The following KCNQ3 variants were observed in gnomAD, a reference collection of about 807,000 sequenced individuals.
KCNQ3 encodes the protein potassium voltage-gated channel subfamily KQT member 3.
Under a neutral mutation model 92.5 loss-of-function variants are expected in KCNQ3, and 30 were observed. The ratio of observed to expected loss-of-function variants is 0.32; its 90% CI spans 0.24 to 0.44. KCNQ3 has a LOEUF of 0.44. KCNQ3 is among the 20% of genes least tolerant of loss of function. The probability of loss-of-function intolerance (pLI) is 1.00; values close to 1 mark genes in which losing one functional copy is unlikely to be tolerated. For synonymous variants in KCNQ3, 450 were observed against 468.8 expected, an observed-to-expected ratio of 0.96 and a Z score of 0.52; for missense variants, 913 against 1,140.3, an observed-to-expected ratio of 0.80 and a Z score of 2.87.
Position 132,141,053 on chromosome 8 carries a change from G to A in KCNQ3, c.1465+76C>T, listed in dbSNP as rs1468373103. ...AGTCAAAGGTTCTTAAGTGGGCAAA[G>A]GGAGAGGTGAGGAAGGAAGTGGACT... On this transcript the variant is annotated intron_variant, in intron 10 of 14. Transcript: ENST00000388996. 1.8e-5 allele frequency: 24 copies of A among 1,360,916 alleles called. No individual in the cohort carries two copies. The East Asian group carries it at 4.3e-4, about 25-fold the overall frequency. 84.3% of individuals were successfully genotyped at this position (1,360,916 alleles called of 1,614,324 possible). A position where few individuals can be genotyped will look rare whatever the true frequency, so the allele number is the denominator to read the frequency against.
intron 1 of KCNQ3, among the ~76,000 whole-genome samples, chr8:132,447,853 G>C (rs1472336378): frequency 6.6e-6 from 1 of 152,178 alleles, no homozygotes; most frequent in Non-Finnish European, 1.5e-5. Flanking sequence ...ATTTTTAAGA[G>C]ATGGAAACAG....
chr8:132,249,097 C>T (rs756388528), intron 1 of KCNQ3, among the ~76,000 whole-genome samples: 10 of 152,098 alleles, frequency 6.6e-5, no homozygotes, highest in African/African-American at 9.7e-5. Flanking sequence ...CAGACCTTTG[C>T]GGTGAGTGTT....
intron 1 of KCNQ3, among the ~76,000 whole-genome samples, chr8:132,273,466 T>C (rs926287753): frequency 3.9e-5 from 6 of 152,206 alleles, no homozygotes; most frequent in Admixed American, 3.3e-4. Flanking sequence ...AAACCATTTT[T>C]TCTTCCTAGG....
At chr8:132,179,312 T>G (rs1826673580) in intron 4 of KCNQ3, among the ~76,000 whole-genome samples, 1 of 151,864 alleles carries the variant, frequency 6.6e-6, no homozygotes, top group African/African-American at 2.4e-5. Context: ...ATGGACTGAG[T>G]TCCATCCCTC....
intron 1 of KCNQ3, among the ~76,000 whole-genome samples, chr8:132,359,625 T>C (rs971202989): frequency 6.6e-6 from 1 of 152,180 alleles, no homozygotes; most frequent in Non-Finnish European, 1.5e-5. Context: ...AATCCAGCTG[T>C]GGATTGTGTG....
At position 132,326,894 on chromosome 8, in the gene KCNQ3, G is replaced by A. The variant is rs532108164; in HGVS notation, c.387-140713C>T. On this transcript the variant is annotated intron_variant, in intron 1 of 14. Coordinates refer to ENST00000388996, the MANE Select transcript of KCNQ3 (RefSeq NM_004519.4). ...TCATTTACTCATTTGCCTTATCAAA[G>A]AGACTACCTCGACCATCTCACCTAA... Among the ~76,000 whole-genome samples the A allele has an allele frequency of 1.9e-3, 284 of 152,334 alleles. 2 individuals are homozygous for A. The highest frequency in any genetic ancestry group is 0.01 in the Middle Eastern group (3 of 294).
At chr8:132,164,466 C>A (rs1311364937) in intron 8 of KCNQ3, among the ~76,000 whole-genome samples, 4 of 151,766 alleles carry the variant, frequency 2.6e-5, no homozygotes, top group Admixed American at 2.0e-4. Flanking sequence ...GAAGACAGAA[C>A]AAGAGAATCA....
chr8:132,466,971 T>A (rs1388962049), intron 1 of KCNQ3, among the ~76,000 whole-genome samples: 1 of 152,170 alleles, frequency 6.6e-6, no homozygotes, highest in Non-Finnish European at 1.5e-5. Flanking sequence ...TGGCTCAGTG[T>A]CGGCTTCTGG....
chr8:132,451,237 TG>T (rs1162048644), intron 1 of KCNQ3, among the ~76,000 whole-genome samples: 3 of 152,206 alleles, frequency 2.0e-5, no homozygotes, highest in Non-Finnish European at 4.4e-5. Context: ...AACGTGACTT[TG>T]CTTCTCCTTT....
chr8:132,475,912 G>A (rs115858949), intron 1 of KCNQ3, among the ~76,000 whole-genome samples: 10,749 of 152,250 alleles, frequency 0.071, 394 homozygotes, highest in Middle Eastern at 0.092. Context: ...CAGGCCCAGA[G>A]GCCTAGGGGG....
intron 1 of KCNQ3, among the ~76,000 whole-genome samples, chr8:132,244,391 T>G (rs2403738): frequency 0.58 from 87,620 of 150,808 alleles, 26,108 homozygotes; most frequent in East Asian, 0.81. Flanking sequence ...AGAAAGGAAG[T>G]GAGGGAGAGA....
chr8:132,309,174 T>A (rs190235785), intron 1 of KCNQ3, among the ~76,000 whole-genome samples: 92 of 152,288 alleles, frequency 6.0e-4, no homozygotes, highest in African/African-American at 2.2e-3. Context: ...CCCTTGAACA[T>A]CAGACGCCAA....
rs991743344 is a variant in KCNQ3 at position 132,198,833 on chromosome 8, G to A, written c.387-12652C>T. Among the ~76,000 whole-genome samples, 3 of 152,072 alleles carry A rather than the reference G, an allele frequency of 2.0e-5. No homozygotes were observed. In the East Asian group the frequency reaches 5.8e-4, roughly 29 times the overall value. Reference sequence around the variant, plus strand: ...AAAAACAAAAACCAAAAAAACAGGAGTAACGAATTAAGGTATCTCTGTTAT... The same window carrying A: ...AAAAACAAAAACCAAAAAAACAGGAATAACGAATTAAGGTATCTCTGTTAT... On this transcript the variant is annotated intron_variant, in intron 1 of 14. Transcript: ENST00000388996.
chr8:132,256,416 G>C (rs1387703740), intron 1 of KCNQ3, among the ~76,000 whole-genome samples: 1 of 152,168 alleles, frequency 6.6e-6, no homozygotes, highest in Non-Finnish European at 1.5e-5. Context: ...GGGGAGAGGA[G>C]ATAGAGGAAG....
intron 1 of KCNQ3, among the ~76,000 whole-genome samples, chr8:132,448,550 A>G (rs1821747362): frequency 6.6e-6 from 1 of 151,916 alleles, no homozygotes; most frequent in Non-Finnish European, 1.5e-5. Context: ...ACAAAAGAAA[A>G]AGTAAAAAGG....
At chr8:132,412,285 A>G (rs928969998) in intron 1 of KCNQ3, among the ~76,000 whole-genome samples, 6 of 151,740 alleles carry the variant, frequency 4.0e-5, no homozygotes, top group Admixed American at 6.6e-5. Flanking sequence ...GCCGGCCCCA[A>G]TAAATTCTAA....
chr8:132,187,708 GTGGTGGTGGTGA>G (rs1827018164), intron 1 of KCNQ3, among the ~76,000 whole-genome samples: 1 of 150,330 alleles, frequency 6.7e-6, no homozygotes, highest in Middle Eastern at 3.2e-3. Flanking sequence ...GATAGTGGTG[GTGGTGGTGGTGA>G]TGGTGGTGAT....
intron 1 of KCNQ3, among the ~76,000 whole-genome samples, chr8:132,394,987 C>A (rs1255851510): frequency 6.6e-6 from 1 of 152,224 alleles, no homozygotes; most frequent in Non-Finnish European, 1.5e-5. Flanking sequence ...TCCCTGACAA[C>A]CAACCCTGCC....
At chr8:132,473,607 G>A (rs1328841180) in intron 1 of KCNQ3, among the ~76,000 whole-genome samples, 1 of 152,128 alleles carries the variant, frequency 6.6e-6, no homozygotes, top group African/African-American at 2.4e-5. Context: ...ATCTAACACT[G>A]AATGCTTCTT....
Sources: gnomAD v4.1 joint callset for allele counts (sites outside exome capture counted in the v4.1 genomes callset) on GRCh38, gnomAD v4.1.1 for gene constraint, MANE v1.5 for transcripts, NCBI Gene and HGNC (gene_info 2026-07-23, HGNC 2026-07-21) for gene names.